Variants in RBFOX1 observed in about 807,000 individuals in gnomAD.
The protein encoded by RBFOX1 is RNA binding protein fox-1 homolog 1.
RBFOX1 carries 8 observed loss-of-function variants against 57.7 expected under a neutral mutation model. That is an observed-to-expected ratio of 0.14 (90% CI 0.08 to 0.25). The LOEUF is 0.25. Ranked by LOEUF, RBFOX1 falls within the 10% of genes least tolerant of loss-of-function variation. The pLI is 1.00. For missense variants in RBFOX1, 611 were observed against 548.5 expected, an observed-to-expected ratio of 1.11 and a Z score of -1.14; for synonymous variants, 326 against 222.4, an observed-to-expected ratio of 1.47 and a Z score of -4.15.
intron 2 of RBFOX1, among the ~76,000 whole-genome samples, chr16:5,558,137 T>G (rs1288595190): frequency 6.6e-6 from 1 of 152,156 alleles, no homozygotes; most frequent in Non-Finnish European, 1.5e-5. Flanking sequence ...CCAGCCCAGG[T>G]GTGATCCAAT....
At chr16:5,571,949 A>G (rs2046298466) in intron 2 of RBFOX1, among the ~76,000 whole-genome samples, 1 of 152,212 alleles carries the variant, frequency 6.6e-6, no homozygotes, top group Admixed American at 6.5e-5. Context: ...TTTGTCTTTC[A>G]TAATTAAGAT....
At chr16:6,126,843 C>T (rs1346559366) in intron 1 of RBFOX1, among the ~76,000 whole-genome samples, 1 of 152,114 alleles carries the variant, frequency 6.6e-6, no homozygotes. Context: ...AACAATGGTC[C>T]TGCCTTCATG....
chr16:5,478,418 C>T (rs958805053), intron 2 of RBFOX1, among the ~76,000 whole-genome samples: 2 of 152,050 alleles, frequency 1.3e-5, no homozygotes, highest in Non-Finnish European at 2.9e-5. Context: ...ATCAGAGCTG[C>T]AGCATTATTG....
intron 3 of RBFOX1, among the ~76,000 whole-genome samples, chr16:6,985,450 C>G (rs1255571024): frequency 2.0e-5 from 3 of 152,146 alleles, no homozygotes; most frequent in East Asian, 3.9e-4. Flanking sequence ...TGTTCTCAGT[C>G]TAGCCTGGGC....
intron 4 of RBFOX1, among the ~76,000 whole-genome samples, chr16:5,941,327 A>T (rs575559976): frequency 2.0e-5 from 3 of 149,374 alleles, no homozygotes; most frequent in African/African-American, 4.9e-5. Flanking sequence ...TTATCTCTAC[A>T]TTTTTTTTTT....
At chr16:7,704,239 GATGAGGTCTC>G (rs2081685091) in intron 14 of RBFOX1, among the ~76,000 whole-genome samples, 1 of 152,224 alleles carries the variant, frequency 6.6e-6, no homozygotes, top group African/African-American at 2.4e-5. Context: ...AGGTCAAAAA[GATGAGGTCTC>G]ATGATGGTTG....
chr16:6,744,656 C>T (rs898049199), intron 3 of RBFOX1, among the ~76,000 whole-genome samples: 2 of 152,008 alleles, frequency 1.3e-5, no homozygotes, highest in African/African-American at 4.8e-5. Flanking sequence ...CAAAAATATA[C>T]ATAAGACATA....
At chr16:6,156,940 C>A (rs1012484390) in intron 1 of RBFOX1, among the ~76,000 whole-genome samples, 9 of 152,080 alleles carry the variant, frequency 5.9e-5, no homozygotes, top group Non-Finnish European at 1.2e-4. Context: ...CCTGAGCTCA[C>A]GTGATCCTCC....
chr16:5,459,077 T>A (rs1039966632), intron 1 of RBFOX1, among the ~76,000 whole-genome samples: 2 of 152,230 alleles, frequency 1.3e-5, no homozygotes, highest in African/African-American at 4.8e-5. Flanking sequence ...TCTGCTTCCT[T>A]GTTGCTCACC....
intron 3 of RBFOX1, among the ~76,000 whole-genome samples, chr16:5,735,232 G>T (rs1018369670): frequency 1.3e-5 from 2 of 152,238 alleles, no homozygotes; most frequent in East Asian, 1.9e-4. Flanking sequence ...AAGGGGTCAG[G>T]ACCCTCCATG....
chr16:7,108,860 A>G (rs1166197147), intron 4 of RBFOX1, among the ~76,000 whole-genome samples: 1 of 152,196 alleles, frequency 6.6e-6, no homozygotes, highest in Non-Finnish European at 1.5e-5. Flanking sequence ...GTCATGATAT[A>G]TATTTATGGT....
At chr16:5,684,262 A>T (rs868603678) in intron 3 of RBFOX1, among the ~76,000 whole-genome samples, 5 of 152,166 alleles carry the variant, frequency 3.3e-5, no homozygotes, top group Admixed American at 6.5e-5. Context: ...ACAAGTTGGC[A>T]GACAGAATCT....
At chr16:6,024,953 G>A (rs966819981) in intron 1 of RBFOX1, among the ~76,000 whole-genome samples, 10 of 152,200 alleles carry the variant, frequency 6.6e-5, no homozygotes, top group African/African-American at 2.4e-4. Flanking sequence ...TTCAGAGAAG[G>A]GGACCAACAA....
intron 10 of RBFOX1, among the ~76,000 whole-genome samples, chr16:7,611,593 A>AT (rs1369845731): frequency 1.3e-5 from 2 of 152,150 alleles, no homozygotes; most frequent in East Asian, 3.9e-4. Context: ...AAAAAAAAAA[A>AT]AGGCAAGTTA....
At chr16:7,046,547 A>G (rs1345158830) in intron 3 of RBFOX1, among the ~76,000 whole-genome samples, 1 of 144,250 alleles carries the variant, frequency 6.9e-6, no homozygotes, top group Non-Finnish European at 1.5e-5. Flanking sequence ...AAGATGGGAG[A>G]TAATAAAGTT....
chr16:6,497,210 C>T (rs1281146724), intron 2 of RBFOX1, among the ~76,000 whole-genome samples: 1 of 152,180 alleles, frequency 6.6e-6, no homozygotes, highest in East Asian at 1.9e-4. Context: ...TGCTTAACCA[C>T]TGTGTTTTGT....
intron 2 of RBFOX1, among the ~76,000 whole-genome samples, chr16:5,513,408 A>G (rs543330737): frequency 4.7e-4 from 71 of 152,268 alleles, no homozygotes; most frequent in Non-Finnish European, 8.2e-4. Context: ...CGACATGCCT[A>G]TCGCTGTTAA....
intron 3 of RBFOX1, among the ~76,000 whole-genome samples, chr16:5,736,640 G>T (rs562122461): frequency 2.0e-5 from 3 of 152,148 alleles, no homozygotes; most frequent in South Asian, 4.2e-4. Context: ...TTTTTGAACA[G>T]TCTCTCTGTC....
intron 2 of RBFOX1, among the ~76,000 whole-genome samples, chr16:6,587,294 T>C (rs1178687718): frequency 2.6e-5 from 4 of 152,134 alleles, no homozygotes; most frequent in African/African-American, 9.7e-5. Context: ...TTTGGCCTTT[T>C]TTTTTGAGAC....
Sources: allele counts gnomAD v4.1 joint callset (sites outside exome capture counted in the v4.1 genomes callset), GRCh38; gene constraint gnomAD v4.1.1; transcripts MANE v1.5; gene names NCBI Gene and HGNC (gene_info 2026-07-23, HGNC 2026-07-21).